The following ADARB2 variants were observed in gnomAD, a reference collection of about 807,000 sequenced individuals.
The protein encoded by ADARB2 is inactive double-stranded RNA-specific editase B2.
In ADARB2, 25 loss-of-function variants were observed where a neutral mutation model predicts 62.2. The ratio of observed to expected loss-of-function variants is 0.40; its 90% CI spans 0.29 to 0.56. The LOEUF (loss-of-function observed/expected upper bound fraction) is 0.56. Ranked by LOEUF, ADARB2 falls within the 20% of genes least tolerant of loss-of-function variation. The pLI, the probability that ADARB2 is intolerant of heterozygous loss-of-function variation, is 0.43. For synonymous variants in ADARB2, 572 were observed against 500.8 expected, an observed-to-expected ratio of 1.14 and a Z score of -1.90; for missense variants, 1,071 against 1,077.4, an observed-to-expected ratio of 0.99 and a Z score of 0.08.
chr10:1,505,621 A>G (rs964100572), intron 1 of ADARB2, among the ~76,000 whole-genome samples: 4 of 150,134 alleles, frequency 2.7e-5, no homozygotes, highest in African/African-American at 9.8e-5. Flanking sequence ...GCCTCCCCAC[A>G]CCTGTGGTTA....
intron 7 of ADARB2, among the ~76,000 whole-genome samples, chr10:1,205,964 GTTGGGGTC>G (rs1564219780): frequency 2.6e-5 from 4 of 151,056 alleles, no homozygotes; most frequent in African/African-American, 9.7e-5. Context: ...GGGGCAGCCC[GTTGGGGTC>G]AGGTGGGTGT....
At chr10:1,377,179 TCTGGGGTGTGTGCTC>T (rs1445172856) in intron 2 of ADARB2, among the ~76,000 whole-genome samples, 1 of 121,364 alleles carries the variant, frequency 8.2e-6, no homozygotes, top group Non-Finnish European at 1.7e-5. Flanking sequence ...TGTGTGCGCC[TCTGGGGTGTGTGCTC>T]CTGGGGTGTG....
chr10:1,281,644 CAG>C (rs1240069134), intron 3 of ADARB2, among the ~76,000 whole-genome samples: 1 of 152,238 alleles, frequency 6.6e-6, no homozygotes, highest in Non-Finnish European at 1.5e-5. Flanking sequence ...ACTGTCACCC[CAG>C]AGTGCCCCAG....
intron 1 of ADARB2, among the ~76,000 whole-genome samples, chr10:1,646,534 T>C (rs1162930868): frequency 1.3e-5 from 2 of 152,270 alleles, no homozygotes; most frequent in African/African-American, 2.4e-5. Context: ...TGGGCGTGGC[T>C]GCACGGTGAA....
chr10:1,457,041 T>A (rs1564294467), intron 1 of ADARB2, among the ~76,000 whole-genome samples: 1 of 148,878 alleles, frequency 6.7e-6, no homozygotes. Flanking sequence ...ATTACAGGTG[T>A]GAACCACTGT....
chr10:1,351,804 T>TC (rs1239127936), intron 3 of ADARB2, among the ~76,000 whole-genome samples: 1 of 151,694 alleles, frequency 6.6e-6, no homozygotes, highest in Non-Finnish European at 1.5e-5. Context: ...GCCTATAACC[T>TC]CCCCTTACAA....
At chr10:1,378,273 C>T (rs1832451737) in intron 2 of ADARB2, among the ~76,000 whole-genome samples, 1 of 152,154 alleles carries the variant, frequency 6.6e-6, no homozygotes, top group East Asian at 1.9e-4. Flanking sequence ...CACTGCTTGG[C>T]CCCTTTCCAG....
chr10:1,556,416 A>T (rs1390181753), intron 1 of ADARB2, among the ~76,000 whole-genome samples: 5 of 152,034 alleles, frequency 3.3e-5, no homozygotes, highest in African/African-American at 1.2e-4. Flanking sequence ...CCCTGTGCCG[A>T]TTCCAGAGTC....
intron 7 of ADARB2, among the ~76,000 whole-genome samples, chr10:1,208,396 C>T (rs112427624): frequency 2.0e-5 from 3 of 152,178 alleles, no homozygotes; most frequent in African/African-American, 7.2e-5. Context: ...TCCCTGTCCT[C>T]CAAGCACCCA....
chr10:1,426,985 G>T lies in ADARB2; in HGVS notation c.101-47825C>A, dbSNP rs1202142907. ...AGCTATGTGTCGGCCCCACGCTTGG[G>T]CAGACCACTGCAGGCACGTGTGTAC... On this transcript the variant is annotated intron_variant, in intron 1 of 9. Transcript: ENST00000381312. The surrounding 1 kb of genome is among the most constrained non-coding windows in gnomAD (Gnocchi z 4.1). Among the ~76,000 whole-genome samples the T allele has an allele frequency of 6.6e-6, 1 of 152,270 alleles. No individual in the cohort carries two copies. The highest frequency in any genetic ancestry group is 1.9e-4 in the East Asian group (1 of 5,200).
chr10:1,254,418 A>G (rs1831062970), intron 4 of ADARB2, among the ~76,000 whole-genome samples: 1 of 152,214 alleles, frequency 6.6e-6, no homozygotes, highest in South Asian at 2.1e-4. Context: ...CTCTGCATAA[A>G]AGATGTCAAG....
At chr10:1,586,258 C>T (rs1386307399) in intron 1 of ADARB2, among the ~76,000 whole-genome samples, 3 of 152,152 alleles carry the variant, frequency 2.0e-5, no homozygotes, top group Non-Finnish European at 4.4e-5. Flanking sequence ...AAAAGTCCAA[C>T]CCAGTTCTTC....
intron 6 of ADARB2, among the ~76,000 whole-genome samples, chr10:1,229,620 G>A (rs1830778764): frequency 6.6e-6 from 1 of 152,130 alleles, no homozygotes; most frequent in Admixed American, 6.6e-5. Context: ...TAGTTATATT[G>A]ATAGATCTGA....
chr10:1,480,063 C>CA (rs34518044), intron 1 of ADARB2, among the ~76,000 whole-genome samples: 48,539 of 150,536 alleles, frequency 0.32, 8,008 homozygotes, highest in South Asian at 0.38. Context: ...ATATACAAAA[C>CA]AAAAAAAAAC....
chr10:1,610,660 G>A (rs1241115805), intron 1 of ADARB2, among the ~76,000 whole-genome samples: 5 of 152,124 alleles, frequency 3.3e-5, no homozygotes, highest in Non-Finnish European at 4.4e-5. Context: ...TCCATCCGGG[G>A]TCTTTTAGTT....
At chr10:1,718,537 C>G (rs1327613312) in intron 1 of ADARB2, among the ~76,000 whole-genome samples, 1 of 152,220 alleles carries the variant, frequency 6.6e-6, no homozygotes, top group African/African-American at 2.4e-5. Flanking sequence ...TCTGCAAATG[C>G]TGGGCTGTCC....
In ADARB2 at chr10:1,426,107, C is replaced by A. The variant is rs1191177664; in HGVS notation, c.101-46947G>T. On this transcript the variant is annotated intron_variant, in intron 1 of 9. Coordinates refer to ENST00000381312, the MANE Select transcript of ADARB2 (RefSeq NM_018702.4). The surrounding 1 kb of genome is among the most constrained non-coding windows in gnomAD (Gnocchi z 4.1). The stretch of plus-strand genomic sequence containing the variant: ...GTTGTGTTTATGTTTTATGCTTGAT[C>A]TATAATGACACAACAAAACTCATAT... Among the ~76,000 whole-genome samples the A allele has an allele frequency of 6.6e-6, 1 of 152,184 alleles. No individual in the cohort carries two copies. Among genetic ancestry groups the A allele is most frequent in the Non-Finnish European group, 1.5e-5 (1 of 68,036 alleles).
Position 1,200,026 on chromosome 10 carries a change from G to C in ADARB2, c.1804C>G (p.Arg602Gly). Residue 602 changes from arginine (R) to glycine (G), a missense_variant, in exon 8 of 10, where the codon CGC (arginine) becomes GGC (glycine). Physicochemically the swap from Arg to Gly is moderately radical, Grantham distance 125. Transcript: ENST00000381312. ...GGCAGCTGGCCGACACCCTCCATGC[G>C]GTGGCTCATGACGCGTGCGAGGTGG... ...TGHLARVMSHRMEGVGQLPAS... is the reference protein window; with the variant it reads ...TGHLARVMSHGMEGVGQLPAS... The C allele has an allele frequency of 1.3e-6, 2 of 1,592,172 alleles. No homozygotes were observed. The highest frequency in any genetic ancestry group is 1.7e-6 in the Non-Finnish European group (2 of 1,173,996).
rs200258347 is a variant in ADARB2 at position 1,217,155 on chromosome 10, G to A, written c.1514-36C>T. 3.3e-6 allele frequency: 5 copies of A among 1,519,512 alleles called. No homozygotes were observed. In the African/African-American group the frequency reaches 5.5e-5, roughly 17 times the overall value. The allele number at this position is 1,519,512 out of a possible 1,614,324, so 94.1% of individuals were successfully genotyped here. Reference sequence around the variant, plus strand: ...AAAGGGCGGGGAGGGGTGAGAAGAGGGAAGCCGCCTTGGTTTTGGGAGGTG... The same window carrying A: ...AAAGGGCGGGGAGGGGTGAGAAGAGAGAAGCCGCCTTGGTTTTGGGAGGTG... On this transcript the variant is annotated intron_variant, in intron 6 of 9. Coordinates refer to ENST00000381312, the MANE Select transcript of ADARB2 (RefSeq NM_018702.4).
Sources: allele counts gnomAD v4.1 joint callset (sites outside exome capture counted in the v4.1 genomes callset), GRCh38; gene constraint gnomAD v4.1.1; non-coding constraint Gnocchi (gnomAD v3.1); transcripts MANE v1.5; gene names NCBI Gene and HGNC (gene_info 2026-07-23, HGNC 2026-07-21).